NLGN1: variants seen among roughly 807,000 people sequenced by gnomAD.
NLGN1 encodes the protein neuroligin-1.
In NLGN1, 12 loss-of-function variants were observed where a neutral mutation model predicts 65.5. That is an observed-to-expected ratio of 0.18 (90% CI 0.12 to 0.30). The LOEUF is 0.30. Ranked by LOEUF, NLGN1 falls within the 10% of genes least tolerant of loss-of-function variation. The probability of loss-of-function intolerance (pLI) is 1.00; values close to 1 mark genes in which losing one functional copy is unlikely to be tolerated. For synonymous variants in NLGN1, 350 were observed against 359.5 expected (o/e 0.97, Z 0.30); for missense variants, 750 against 1,007.1 (o/e 0.74, Z 3.46).
chr3:173,777,035 T>C lies in NLGN1; in HGVS notation c.494-30645T>C, dbSNP rs943163892. 2.6e-5 allele frequency among the ~76,000 whole-genome samples: 4 copies of C among 151,948 alleles called. No individual in the cohort carries two copies. The East Asian group carries it at 5.8e-4, about 22-fold the overall frequency. On this transcript the variant is annotated intron_variant, in intron 3 of 6. Coordinates refer to ENST00000457714, the Ensembl canonical transcript of NLGN1. ...AGTAAGAGTGATTAAAATCTCAAGC[T>C]CTATAATAACTGCTTTAAATTCAAA...
At chr3:173,833,127 G>T (rs1722923790) in intron 4 of NLGN1, among the ~76,000 whole-genome samples, 1 of 152,132 alleles carries the variant, frequency 6.6e-6, no homozygotes, top group African/African-American at 2.4e-5. Flanking sequence ...GGGATTACTG[G>T]ATTACAGTAT....
intron 4 of NLGN1, among the ~76,000 whole-genome samples, chr3:173,966,530 T>C (rs1198058709): frequency 2.0e-5 from 3 of 152,190 alleles, no homozygotes; most frequent in African/African-American, 7.2e-5. Flanking sequence ...TATGGAAAAC[T>C]GTAGATATCG....
At chr3:174,004,100 A>G (rs1280915391) in intron 4 of NLGN1, among the ~76,000 whole-genome samples, 1 of 152,160 alleles carries the variant, frequency 6.6e-6, no homozygotes, top group Non-Finnish European at 1.5e-5. Context: ...TCTGAATTGA[A>G]TCGAGCATCA....
At chr3:174,211,161 A>G (rs6445156) in intron 4 of NLGN1, among the ~76,000 whole-genome samples, 2 of 152,072 alleles carry the variant, frequency 1.3e-5, no homozygotes, top group Non-Finnish European at 2.9e-5. Flanking sequence ...AAAGAGTGAG[A>G]AGTAGCAAGA....
chr3:174,191,643 T>C (rs905253596), intron 4 of NLGN1, among the ~76,000 whole-genome samples: 12 of 152,148 alleles, frequency 7.9e-5, no homozygotes, highest in African/African-American at 2.9e-4. Flanking sequence ...ATTCAAGCTA[T>C]GAAGAAGCTG....
intron 1 of NLGN1, chr3:173,434,892 A>G (rs1717829009): frequency 6.6e-6 from 1 of 152,630 alleles, no homozygotes; most frequent in Non-Finnish European, 1.5e-5. Flanking sequence ...CATTTGGTCT[A>G]ATGTAAAACT....
intron 3 of NLGN1, among the ~76,000 whole-genome samples, chr3:173,747,363 AAGAT>A (rs779438287): frequency 7.0e-6 from 1 of 143,072 alleles, no homozygotes; most frequent in Non-Finnish European, 1.5e-5. Context: ...TATATACTTA[AAGAT>A]ATATATATAC....
At chr3:173,628,091 G>A (rs944484015) in intron 3 of NLGN1, among the ~76,000 whole-genome samples, 1 of 152,092 alleles carries the variant, frequency 6.6e-6, no homozygotes, top group African/African-American at 2.4e-5. Context: ...AAAATAGTCC[G>A]TACTGACTGG....
chr3:173,413,914 A>G (rs1300781645), intron 1 of NLGN1, among the ~76,000 whole-genome samples: 1 of 152,204 alleles, frequency 6.6e-6, no homozygotes, highest in East Asian at 1.9e-4. Context: ...ACAGGTGACT[A>G]GTGAAGGTAG....
intron 2 of NLGN1, among the ~76,000 whole-genome samples, chr3:173,458,588 T>G (rs1722875326): frequency 6.6e-6 from 1 of 152,114 alleles, no homozygotes; most frequent in South Asian, 2.1e-4. Flanking sequence ...TCTCCCATCG[T>G]CAATGGCTCC....
chr3:174,236,446 A>C (rs959722624), intron 4 of NLGN1, among the ~76,000 whole-genome samples: 6 of 152,026 alleles, frequency 3.9e-5, no homozygotes, highest in African/African-American at 1.4e-4. Context: ...ACATGTTTTA[A>C]TGTAACATCA....
intron 3 of NLGN1, among the ~76,000 whole-genome samples, chr3:173,687,145 T>A (rs1764810591): frequency 6.6e-6 from 1 of 152,172 alleles, no homozygotes; most frequent in African/African-American, 2.4e-5. Context: ...TCAGGTTGTT[T>A]ACCTTAAATT....
intron 4 of NLGN1, among the ~76,000 whole-genome samples, chr3:174,151,863 C>CA (rs950026526): frequency 4.6e-5 from 7 of 151,638 alleles, no homozygotes; most frequent in South Asian, 2.1e-4. Context: ...TACAGATGGA[C>CA]AAAAAAAATT....
chr3:173,675,343 G>A (rs1459669719), intron 3 of NLGN1, among the ~76,000 whole-genome samples: 1 of 151,864 alleles, frequency 6.6e-6, no homozygotes, highest in Non-Finnish European at 1.5e-5. Flanking sequence ...TCATTTCATT[G>A]CGCATATATC....
At chr3:173,919,252 G>A (rs1466243901) in intron 4 of NLGN1, among the ~76,000 whole-genome samples, 2 of 152,162 alleles carry the variant, frequency 1.3e-5, no homozygotes, top group African/African-American at 2.4e-5. Flanking sequence ...TTTTGTATCT[G>A]CTACAGAGAA....
intron 3 of NLGN1, among the ~76,000 whole-genome samples, chr3:173,710,568 T>C (rs1010887329): frequency 3.8e-4 from 58 of 152,334 alleles, no homozygotes; most frequent in African/African-American, 1.4e-3. Context: ...ACTTGGTAAG[T>C]CTATGCCTGC....
chr3:173,714,179 T>C (rs1324427656), intron 3 of NLGN1, among the ~76,000 whole-genome samples: 1 of 152,162 alleles, frequency 6.6e-6, no homozygotes, highest in African/African-American at 2.4e-5. Context: ...TCACCTCAGC[T>C]GAGAAAGTCT....
chr3:173,484,771 A>G (rs758903752), intron 2 of NLGN1, among the ~76,000 whole-genome samples: 1 of 152,190 alleles, frequency 6.6e-6, no homozygotes, highest in East Asian at 1.9e-4. Flanking sequence ...GAAGATGGAC[A>G]TACCCTTTGA....
chr3:174,033,832 T>A (rs2152477831), intron 4 of NLGN1, among the ~76,000 whole-genome samples: 1 of 152,002 alleles, frequency 6.6e-6, no homozygotes, highest in African/African-American at 2.4e-5. Flanking sequence ...GTGTAAAACA[T>A]GTATAATTGT....
Sources: allele counts gnomAD v4.1 joint callset (sites outside exome capture counted in the v4.1 genomes callset), GRCh38; gene constraint gnomAD v4.1.1; transcripts MANE v1.5; gene names NCBI Gene and HGNC (gene_info 2026-07-23, HGNC 2026-07-21).